The following CNIH4 variants were observed in gnomAD, a reference collection of about 807,000 sequenced individuals.
CNIH4 encodes the protein protein cornichon homolog 4.
CNIH4 carries 9 observed loss-of-function variants against 21.5 expected under a neutral mutation model. That is an observed-to-expected ratio of 0.42 (90% CI 0.25 to 0.73). The LOEUF (loss-of-function observed/expected upper bound fraction) is 0.73. Among genes scored for constraint, CNIH4 ranks in the 30% least tolerant of loss-of-function variants. The pLI is 0.27. For synonymous variants in CNIH4, 67 were observed against 59.1 expected, an observed-to-expected ratio of 1.13 and a Z score of -0.61; for missense variants, 159 against 170.0, an observed-to-expected ratio of 0.94 and a Z score of 0.36.
Position 224,375,892 on chromosome 1 carries a change from A to G in CNIH4, c.*70A>G. 1 of 1,597,670 alleles carries G rather than the reference A, an allele frequency of 6.3e-7. No homozygotes were observed. The highest frequency in any genetic ancestry group is 8.5e-7 in the Non-Finnish European group (1 of 1,171,740). ...AGTTGAGGAGCCAGAGACTTCTTAAATCATCCTTAGAACCGTGACCATAGC... is the reference window on the plus strand; with the variant it reads ...AGTTGAGGAGCCAGAGACTTCTTAAGTCATCCTTAGAACCGTGACCATAGC... On this transcript the variant is annotated 3_prime_UTR_variant, in exon 5 of 5. Transcript: ENST00000465271.
Position 224,359,562 on chromosome 1 carries a change from G to C in CNIH4, c.70-933G>C, listed in dbSNP as rs555399217. The stretch of plus-strand genomic sequence containing the variant: ...AATCTGTGGAGAAAGTGATGAGTTT[G>C]ACTTTATTTTATTTTCATGTTTATT... On this transcript the variant is annotated intron_variant, in intron 1 of 4. Coordinates refer to ENST00000465271, the MANE Select transcript of CNIH4 (RefSeq NM_014184.4). 7.9e-5 allele frequency among the ~76,000 whole-genome samples: 12 copies of C among 152,276 alleles called. No homozygotes were observed. In the South Asian group the frequency reaches 1.9e-3, roughly 24 times the overall value.
At chr1:224,360,457 A>G (rs1418780579) in intron 1 of CNIH4, 38 bp from the exon 2 acceptor site, 3 of 1,067,760 alleles carry the variant, frequency 2.8e-6, no homozygotes, top group Non-Finnish European at 4.0e-6. Context: ...CTTAGTTATT[A>G]TAAAAGAAAT....
At chr1:224,361,626 A>T (rs935687890) in intron 2 of CNIH4, among the ~76,000 whole-genome samples, 1 of 152,142 alleles carries the variant, frequency 6.6e-6, no homozygotes, top group Non-Finnish European at 1.5e-5. Context: ...TCTGTTGCCC[A>T]GGCTGGAGTG....
At position 224,365,943 on chromosome 1, in the gene CNIH4, G is replaced by T. The variant is rs1345062328; in HGVS notation, c.203G>T (p.Trp68Leu). Residue 68 changes from tryptophan (W) to leucine (L), a missense_variant, in exon 3 of 5, where the codon TGG (tryptophan) becomes TTG (leucine). Coordinates refer to ENST00000465271, the MANE Select transcript of CNIH4 (RefSeq NM_014184.4). ...GTATTACTGCTCATGTCATTGCACT[G>T]GTTCATCTTCCTTCTCAACTTACCT... is the stretch of plus-strand genomic sequence containing the variant. ...VTVLLLMSLH[W>L]FIFLLNLPVA... 1.2e-6 allele frequency: 2 copies of T among 1,612,906 alleles called. No individual in the cohort carries two copies. Among genetic ancestry groups the T allele is most frequent in the African/African-American group, 2.7e-5 (2 of 74,846 alleles).
Position 224,376,704 on chromosome 1 carries a change from C to G in CNIH4, c.*882C>G, listed in dbSNP as rs1476216905. 1.0e-6 allele frequency: 1 copy of G among 985,372 alleles called. No homozygotes were observed. Among genetic ancestry groups the G allele is most frequent in the Non-Finnish European group, 1.2e-6 (1 of 829,976 alleles). 61.0% of individuals were successfully genotyped at this position (985,372 alleles called of 1,614,324 possible). A position where few individuals can be genotyped will look rare whatever the true frequency, so the allele number is the denominator to read the frequency against. On this transcript the variant is annotated 3_prime_UTR_variant, in exon 5 of 5. Transcript: ENST00000465271. Reference sequence around the variant, plus strand: ...CCAGATCAACACTTCTATCCCTCTGCACTGACCACGTTGTGAACTGGGAGA... The same window carrying G: ...CCAGATCAACACTTCTATCCCTCTGGACTGACCACGTTGTGAACTGGGAGA...
intron 2 of CNIH4, among the ~76,000 whole-genome samples, chr1:224,364,606 T>A (rs1385953858): frequency 1.3e-5 from 2 of 152,186 alleles, no homozygotes; most frequent in Non-Finnish European, 2.9e-5. Context: ...AATTATGCAA[T>A]CAACTAGAAC....
intron 3 of CNIH4, among the ~76,000 whole-genome samples, chr1:224,370,113 A>C (rs186221205): frequency 6.6e-6 from 1 of 152,318 alleles, no homozygotes; most frequent in African/African-American, 2.4e-5. Flanking sequence ...ACAGCTAAGT[A>C]AGTGGTGGTA....
In CNIH4 at chr1:224,378,941, C is replaced by T. The variant is rs1276469067; in HGVS notation, c.*3119C>T. Reference sequence around the variant, plus strand: ...TTAGTCCAGTGTTCTCTCTCCCTTACCACTCCTCTTCCCCTTCCCTCTATA... The same window carrying T: ...TTAGTCCAGTGTTCTCTCTCCCTTATCACTCCTCTTCCCCTTCCCTCTATA... On this transcript the variant is annotated 3_prime_UTR_variant, in exon 5 of 5. Transcript: ENST00000465271. 4 of 867,838 alleles carry T rather than the reference C, an allele frequency of 4.6e-6. No individual in the cohort carries two copies. The highest frequency in any genetic ancestry group is 7.6e-6 in the Non-Finnish European group (4 of 529,710). The allele number at this position is 867,838 out of a possible 1,614,324, so 53.8% of individuals were successfully genotyped here. A position where few individuals can be genotyped will look rare whatever the true frequency, so the allele number is the denominator to read the frequency against.
At chr1:224,374,454 C>T (rs1427015623) in intron 4 of CNIH4, among the ~76,000 whole-genome samples, 1 of 147,718 alleles carries the variant, frequency 6.8e-6, no homozygotes, top group Non-Finnish European at 1.5e-5. Context: ...ACACTCTGTC[C>T]CCCAGGCTGG....
chr1:224,373,634 C>T (rs1427229447), intron 4 of CNIH4, among the ~76,000 whole-genome samples: 1 of 151,772 alleles, frequency 6.6e-6, no homozygotes, highest in Non-Finnish European at 1.5e-5. Flanking sequence ...TCAAGACCAG[C>T]CTGGCCCAAA....
chr1:224,372,657 A>G (rs1225310191), intron 4 of CNIH4, among the ~76,000 whole-genome samples: 19 of 151,802 alleles, frequency 1.3e-4, no homozygotes, highest in Admixed American at 1.2e-3. Flanking sequence ...GTCTCGGCTC[A>G]CTGCAACCTC....
Position 224,360,529 on chromosome 1 carries a change from T to C in CNIH4, c.104T>C (p.Ile35Thr). 1 of 1,489,874 alleles carries C rather than the reference T, an allele frequency of 6.7e-7. No individual in the cohort carries two copies. Among genetic ancestry groups the C allele is most frequent in the South Asian group, 1.3e-5 (1 of 74,516 alleles). 92.3% of individuals were successfully genotyped at this position (1,489,874 alleles called of 1,614,324 possible). A position where few individuals can be genotyped will look rare whatever the true frequency, so the allele number is the denominator to read the frequency against. ...TTGTCTGATTTAGAATGTGATTACATTAATGCTAGATCATGTTGCTCAAAA... is the reference window on the plus strand; with the variant it reads ...TTGTCTGATTTAGAATGTGATTACACTAATGCTAGATCATGTTGCTCAAAA... Reference protein sequence around the residue: ...ITLSDLECDYINARSCCSKLN... With the variant: ...ITLSDLECDYTNARSCCSKLN... Residue 35 changes from isoleucine to threonine, a missense_variant, in exon 2 of 5, where the codon ATT (isoleucine) becomes ACT (threonine). Coordinates refer to ENST00000465271, the MANE Select transcript of CNIH4 (RefSeq NM_014184.4).
At chr1:224,366,643 C>G (rs889730432) in intron 3 of CNIH4, among the ~76,000 whole-genome samples, 1 of 151,066 alleles carries the variant, frequency 6.6e-6, no homozygotes, top group African/African-American at 2.4e-5. Flanking sequence ...GCCACAGCGC[C>G]GGGCTGGAAG....
At chr1:224,375,654 C>A in intron 4 of CNIH4, 141 bp from the exon 5 acceptor site, 2 of 867,450 alleles carry the variant, frequency 2.3e-6, no homozygotes, top group Non-Finnish European at 3.4e-6. Flanking sequence ...CTAATATATT[C>A]TTTCCTTTGG....
At chr1:224,357,481 T>TC (rs1423315550) in intron 1 of CNIH4, 1 of 153,856 alleles carries the variant, frequency 6.5e-6, no homozygotes, top group Admixed American at 6.5e-5. Flanking sequence ...CTCCTCCTGT[T>TC]CCCCACGCAA....
chr1:224,373,374 A>T (rs1326306477), intron 4 of CNIH4, among the ~76,000 whole-genome samples: 2 of 152,184 alleles, frequency 1.3e-5, no homozygotes, highest in African/African-American at 2.4e-5. Context: ...TTGGAAAGTA[A>T]ACTAGAGCAG....
intron 2 of CNIH4, among the ~76,000 whole-genome samples, chr1:224,365,449 G>A (rs1672423903): frequency 2.0e-5 from 3 of 152,154 alleles, no homozygotes; most frequent in Admixed American, 2.0e-4. Context: ...ATATGAAATG[G>A]TTTCCTCGGG....
At chr1:224,362,471 G>A (rs1304511013) in intron 2 of CNIH4, among the ~76,000 whole-genome samples, 1 of 143,822 alleles carries the variant, frequency 7.0e-6, no homozygotes, top group Non-Finnish European at 1.5e-5. Flanking sequence ...ATTTTACAGT[G>A]CTGTATCGCT....
At chr1:224,356,846 C>T (rs532321761), upstream of CNIH4, 330 of 1,262,604 alleles carry the variant, frequency 2.6e-4, no homozygotes, top group Middle Eastern at 4.4e-3. Context: ...CTCAGCCAGC[C>T]CCGGCAAGGG....
Sources: allele counts gnomAD v4.1 joint callset (sites outside exome capture counted in the v4.1 genomes callset), GRCh38; gene constraint gnomAD v4.1.1; transcripts MANE v1.5; gene names NCBI Gene and HGNC (gene_info 2026-07-23, HGNC 2026-07-21).